Variants in TRIM3 observed in about 807,000 individuals in gnomAD.
TRIM3 encodes the protein tripartite motif-containing protein 3.
TRIM3 carries 13 observed loss-of-function variants against 66.6 expected under a neutral mutation model. The ratio of observed to expected loss-of-function variants is 0.20; its 90% CI spans 0.13 to 0.31. The LOEUF is 0.31. Ranked by LOEUF, TRIM3 falls within the 10% of genes least tolerant of loss-of-function variation. The pLI is 1.00. For missense variants in TRIM3, 711 were observed against 1,020.4 expected (o/e 0.70, Z 4.13); for synonymous variants, 406 against 411.7 (o/e 0.99, Z 0.17).
chr11:6,473,873 C>A lies in TRIM3; in HGVS notation c.-120G>T, dbSNP rs1486960518. 6.6e-6 allele frequency: 1 copy of A among 152,242 alleles called. No individual in the cohort carries two copies. The highest frequency in any genetic ancestry group is 2.0e-4 in the South Asian group (1 of 5,084). 9.4% of individuals were successfully genotyped at this position (152,242 alleles called of 1,614,324 possible). A position where few individuals can be genotyped will look rare whatever the true frequency, so the allele number is the denominator to read the frequency against. Reference sequence around the variant, plus strand: ...CGGCGCTGCTACTGCTGCCAGCGCCCGTCCGCCCGGCCCTGCCCGCGCCTC... The same window carrying A: ...CGGCGCTGCTACTGCTGCCAGCGCCAGTCCGCCCGGCCCTGCCCGCGCCTC... On this transcript the variant is annotated 5_prime_UTR_variant, in exon 1 of 12. Coordinates refer to ENST00000345851, the MANE Select transcript of TRIM3 (RefSeq NM_033278.4).
chr11:6,463,026 G>A (rs1450151452), intron 2 of TRIM3, among the ~76,000 whole-genome samples: 2 of 152,096 alleles, frequency 1.3e-5, no homozygotes, highest in Non-Finnish European at 2.9e-5. Flanking sequence ...CCAACATGGT[G>A]AAACCCCATC....
At position 6,458,347 on chromosome 11, in the gene TRIM3, C is replaced by G. The variant is rs893548951; in HGVS notation, c.132-51G>C. On this transcript the variant is annotated intron_variant, in intron 2 of 11. Transcript: ENST00000345851. The surrounding 1 kb of genome is among the most constrained non-coding windows in gnomAD (Gnocchi z 6.2). ...CAGAGTGGGTGGGGTGGCATAAGTG[C>G]ACCCTTCCTTATACTTCCCATGGGT... 6.7e-7 allele frequency: 1 copy of G among 1,500,614 alleles called. No individual in the cohort carries two copies. The highest frequency in any genetic ancestry group is 1.4e-5 in the African/African-American group (1 of 72,730). 93.0% of individuals were successfully genotyped at this position (1,500,614 alleles called of 1,614,324 possible).
In TRIM3 at chr11:6,458,713, C is replaced by T. The variant is rs1200687740; in HGVS notation, c.132-417G>A. 6.6e-6 allele frequency among the ~76,000 whole-genome samples: 1 copy of T among 152,154 alleles called. No individual in the cohort carries two copies. Among genetic ancestry groups the T allele is most frequent in the African/African-American group, 2.4e-5 (1 of 41,426 alleles). On this transcript the variant is annotated intron_variant, in intron 2 of 11. Transcript: ENST00000345851. The surrounding 1 kb of genome is among the most constrained non-coding windows in gnomAD (Gnocchi z 6.2). ...CAGTGCCTACCCTTAAAATACTTCCCATCTACAGAGAAAAAAGTCACAGGA... is the reference window on the plus strand; with the variant it reads ...CAGTGCCTACCCTTAAAATACTTCCTATCTACAGAGAAAAAAGTCACAGGA...
chr11:6,456,090 G>A lies in TRIM3; in HGVS notation c.1515C>T (p.Ser505=). The change falls in exon 7 of 12, where the codon AGC becomes AGT. Residue 505 remains serine, a synonymous_variant. Transcript: ENST00000345851. The surrounding 1 kb of genome is among the most constrained non-coding windows in gnomAD (Gnocchi z 6.4). ...ASSGRIVVAD[S]NNQCIQVFSN... ...TGCTTACCTGAATACACTGGTTGTT[G>A]CTGTCTGCTACCACGATGCGGCCGC... 6.2e-7 allele frequency: 1 copy of A among 1,614,192 alleles called. No homozygotes were observed. Among genetic ancestry groups the A allele is most frequent in the Non-Finnish European group, 8.5e-7 (1 of 1,180,032 alleles).
intron 2 of TRIM3, among the ~76,000 whole-genome samples, chr11:6,460,437 G>C (rs1442847320): frequency 6.6e-6 from 1 of 152,164 alleles, no homozygotes; most frequent in African/African-American, 2.4e-5. Flanking sequence ...AGGAGAGAAG[G>C]AGAGGGGGAA....
At chr11:6,462,889 C>T (rs1850306423) in intron 2 of TRIM3, among the ~76,000 whole-genome samples, 2 of 151,096 alleles carry the variant, frequency 1.3e-5, no homozygotes, top group South Asian at 4.2e-4. Context: ...AGACACTCAT[C>T]TCTAAAAAAA....
chr11:6,450,905 G>C lies in TRIM3; in HGVS notation c.1857C>G (p.Asp619Glu). Residue 619 changes from aspartate to glutamate, a missense_variant, in exon 9 of 12, where the codon GAC becomes GAG. By Grantham distance (45) the Asp-to-Glu change is conservative. Coordinates refer to ENST00000345851, the MANE Select transcript of TRIM3 (RefSeq NM_033278.4). This position sits in a 1 kb window ranked among gnomAD's most constrained non-coding sequence, Gnocchi z 4.8. ...VGRFGGRGAT[D>E]RHFAGPHFVA... ...GTCCCCCTATACCTGCAAAGTGGCG[G>C]TCAGTGGCCCCACGGCCCCCAAAAC... 15 of 1,614,188 alleles carry C rather than the reference G, an allele frequency of 9.3e-6. No homozygotes were observed. The highest frequency in any genetic ancestry group is 1.3e-5 in the Non-Finnish European group (15 of 1,180,018).
At chr11:6,459,201 A>C (rs1032219899) in intron 2 of TRIM3, among the ~76,000 whole-genome samples, 5 of 152,224 alleles carry the variant, frequency 3.3e-5, no homozygotes, top group African/African-American at 1.2e-4. Context: ...TACAGAAGGC[A>C]GCAAGAAGCA....
Position 6,458,494 on chromosome 11 carries a change from C to T in TRIM3, c.132-198G>A, listed in dbSNP as rs1304764048. ...CTTACAACTGAGTAGGAACACACCC[C>T]GACCCCTCTCAGAAGAGCAGACTAT... On this transcript the variant is annotated intron_variant, in intron 2 of 11. Transcript: ENST00000345851. The surrounding 1 kb of genome is among the most constrained non-coding windows in gnomAD (Gnocchi z 6.2). Among the ~76,000 whole-genome samples, 1 of 152,166 alleles carries T rather than the reference C, an allele frequency of 6.6e-6. No homozygotes were observed.
intron 1 of TRIM3, among the ~76,000 whole-genome samples, chr11:6,469,184 G>A (rs1177297397): frequency 6.6e-6 from 1 of 152,198 alleles, no homozygotes; most frequent in Non-Finnish European, 1.5e-5. Flanking sequence ...GAGGAAGAGT[G>A]GGAGTGGTCT....
Position 6,457,638 on chromosome 11 carries a change from C to T in TRIM3, c.515+58G>A. On this transcript the variant is annotated intron_variant, in intron 4 of 11. Coordinates refer to ENST00000345851, the MANE Select transcript of TRIM3 (RefSeq NM_033278.4). The surrounding 1 kb of genome is among the most constrained non-coding windows in gnomAD (Gnocchi z 4.5). ...CCAGACCCTTTATTCCCCTCCCCGC[C>T]CGAGCTAAGACACCATCCCTGTGGC... The T allele has an allele frequency of 4.4e-6, 7 of 1,579,904 alleles. No individual in the cohort carries two copies. The highest frequency in any genetic ancestry group is 6.0e-6 in the Non-Finnish European group (7 of 1,160,212).
rs1849713734 is a variant in TRIM3 at position 6,451,424 on chromosome 11, C to T, written c.1548G>A (p.Glu516=). 1 of 1,614,056 alleles carries T rather than the reference C, an allele frequency of 6.2e-7. No homozygotes were observed. Among genetic ancestry groups the T allele is most frequent in the Non-Finnish European group, 8.5e-7 (1 of 1,180,036 alleles). ...NNQCIQVFSN[E]GQFKFRFGVR... Reference sequence around the variant, plus strand: ...CCCCAAAACGGAACTTGAACTGGCCCTCATTGGAGAAAACCTGGAGCAGAG... The same window carrying T: ...CCCCAAAACGGAACTTGAACTGGCCTTCATTGGAGAAAACCTGGAGCAGAG... The change falls in exon 8 of 12, where the codon GAG becomes GAA. Residue 516 remains glutamate (E), a synonymous_variant. Transcript: ENST00000345851.
chr11:6,473,909 C>CGCGCCG lies in TRIM3; in HGVS notation c.-162_-157dup, dbSNP rs927172780. 6.6e-6 allele frequency: 1 copy of CGCGCCG among 152,036 alleles called. No individual in the cohort carries two copies. Among genetic ancestry groups the CGCGCCG allele is most frequent in the African/African-American group, 2.4e-5 (1 of 41,364 alleles). The allele number at this position is 152,036 out of a possible 1,614,324, so 9.4% of individuals were successfully genotyped here. The stretch of plus-strand genomic sequence containing the variant: ...CCCTGCCCGCGCCTCCGCCTGTCCC[C>CGCGCCG]GCGCCGGCGCCGCCGCCGGACTAGC... On this transcript the variant is annotated 5_prime_UTR_variant, in exon 1 of 12. Transcript: ENST00000345851.
Position 6,450,733 on chromosome 11 carries a change from G to T in TRIM3, c.1871-112C>A. ...GTTAGGAGAGGGGTGGGGTCTCCAGGACTGAGACAAATTATTTCTGAGATG... is the reference window on the plus strand; with the variant it reads ...GTTAGGAGAGGGGTGGGGTCTCCAGTACTGAGACAAATTATTTCTGAGATG... On this transcript the variant is annotated intron_variant, in intron 9 of 11. Coordinates refer to ENST00000345851, the MANE Select transcript of TRIM3 (RefSeq NM_033278.4). The surrounding 1 kb of genome is among the most constrained non-coding windows in gnomAD (Gnocchi z 4.8). 7.1e-7 allele frequency: 1 copy of T among 1,405,706 alleles called. No homozygotes were observed. Among genetic ancestry groups the T allele is most frequent in the Non-Finnish European group, 1.0e-6 (1 of 1,001,444 alleles). 87.1% of individuals were successfully genotyped at this position (1,405,706 alleles called of 1,614,324 possible). A position where few individuals can be genotyped will look rare whatever the true frequency, so the allele number is the denominator to read the frequency against.
Position 6,457,690 on chromosome 11 carries a change from G to A in TRIM3, c.515+6C>T. On this transcript the variant is annotated splice_donor_region_variant and intron_variant, in intron 4 of 11. Transcript: ENST00000345851. The surrounding 1 kb of genome is among the most constrained non-coding windows in gnomAD (Gnocchi z 4.5). The stretch of plus-strand genomic sequence containing the variant: ...CCACCAGCCCAGGACCCTGCCCAGT[G>A]CCTACCGGCCACGCACAGCCTCGAG... The A allele has an allele frequency of 1.9e-6, 3 of 1,609,978 alleles. No individual in the cohort carries two copies. Among genetic ancestry groups the A allele is most frequent in the Non-Finnish European group, 2.5e-6 (3 of 1,177,300 alleles).
intron 2 of TRIM3, among the ~76,000 whole-genome samples, chr11:6,463,355 C>A (rs2134207657): frequency 6.6e-6 from 1 of 152,334 alleles, no homozygotes; most frequent in Non-Finnish European, 1.5e-5. Flanking sequence ...CTTAGCCAGT[C>A]CCTGGCAAAC....
chr11:6,456,549 G>T lies in TRIM3; in HGVS notation c.1177C>A (p.Arg393Ser). The T allele has an allele frequency of 6.2e-7, 1 of 1,607,468 alleles. No individual in the cohort carries two copies. Among genetic ancestry groups the T allele is most frequent in the Non-Finnish European group, 8.5e-7 (1 of 1,175,688 alleles). Residue 393 changes from arginine to serine, a missense_variant, in exon 6 of 12, where the codon CGC (arginine) becomes AGC (serine). By Grantham distance (110) the Arg-to-Ser change is moderately radical (BLOSUM62 -1). Transcript: ENST00000345851. The surrounding 1 kb of genome is among the most constrained non-coding windows in gnomAD (Gnocchi z 6.4). ...GAGAGGAGCAGCTCGCCTTCCGTGC[G>T]CGCTGTGTACACTAGCTCATATGTG... The part of the protein sequence containing the change: ...NGTYELVYTA[R>S]TEGELLLSVL...
Position 6,448,644 on chromosome 11 carries a change from G to A in TRIM3, c.*384C>T, listed in dbSNP as rs963866735. 7 of 441,876 alleles carry A rather than the reference G, an allele frequency of 1.6e-5. No homozygotes were observed. Among genetic ancestry groups the A allele is most frequent in the Non-Finnish European group, 2.8e-5 (7 of 246,420 alleles). 27.4% of individuals were successfully genotyped at this position (441,876 alleles called of 1,614,324 possible). A position where few individuals can be genotyped will look rare whatever the true frequency, so the allele number is the denominator to read the frequency against. On this transcript the variant is annotated 3_prime_UTR_variant, in exon 12 of 12. Coordinates refer to ENST00000345851, the MANE Select transcript of TRIM3 (RefSeq NM_033278.4). The stretch of plus-strand genomic sequence containing the variant: ...TGAAGACATTTATTTAATATGGGGG[G>A]TGGGGTATTGCTGTCTCTGTCAGTG...
rs545710947 is a variant in TRIM3 at position 6,468,991 on chromosome 11, A to C, written c.-37-3259T>G. Among the ~76,000 whole-genome samples the C allele has an allele frequency of 4.6e-5, 7 of 152,320 alleles. No homozygotes were observed. In the East Asian group the frequency reaches 1.3e-3, roughly 29 times the overall value. ...GTAGAGTGTGAAGGGCATGCCTGAA[A>C]GTATCCTCTGCTGATGTAGACACTG... On this transcript the variant is annotated intron_variant, in intron 1 of 11. Transcript: ENST00000345851.
Sources: gnomAD v4.1 joint callset for allele counts (sites outside exome capture counted in the v4.1 genomes callset) on GRCh38, gnomAD v4.1.1 for gene constraint, Gnocchi (gnomAD v3.1) non-coding constraint, MANE v1.5 for transcripts, NCBI Gene and HGNC (gene_info 2026-07-23, HGNC 2026-07-21) for gene names.